Variants in PDE5A observed in about 807,000 individuals in gnomAD.
PDE5A encodes the protein phosphodiesterase 5A, also known as cGMP-specific 3',5'-cyclic phosphodiesterase.
A neutral mutation model predicts 110.2 loss-of-function variants in PDE5A; 67 were observed. That is an observed-to-expected ratio of 0.61 (90% confidence interval 0.50 to 0.75). The LOEUF is 0.75. Among genes scored for constraint, PDE5A ranks in the 30% least tolerant of loss-of-function variants. The pLI is 0.00. For missense variants in PDE5A, 862 were observed against 1,045.1 expected (o/e 0.82, Z 2.42); for synonymous variants, 328 against 351.2 (o/e 0.93, Z 0.74).
At chr4:119,552,761 C>CA (rs1727400866) in intron 8 of PDE5A, 124 bp from the exon 9 acceptor site, 1 of 466,340 alleles carries the variant, frequency 2.1e-6, no homozygotes, top group Admixed American at 4.2e-5. Context: ...TATTAGAGAG[C>CA]ATTGGAAAGC....
intron 3 of PDE5A, among the ~76,000 whole-genome samples, chr4:119,592,148 C>T (rs1287909665): frequency 2.1e-3 from 96 of 45,092 alleles, no homozygotes; most frequent in East Asian, 5.2e-3. Context: ...GAGACTCTGT[C>T]TCAAAAAAAA....
chr4:119,545,567 T>C (rs933178928), intron 9 of PDE5A, among the ~76,000 whole-genome samples: 4 of 152,182 alleles, frequency 2.6e-5, no homozygotes, highest in Non-Finnish European at 4.4e-5. Context: ...TTACCTAATA[T>C]TATTATAGAG....
At chr4:119,607,753 G>C (rs906247192) in intron 1 of PDE5A, among the ~76,000 whole-genome samples, 2 of 151,724 alleles carry the variant, frequency 1.3e-5, no homozygotes, top group Non-Finnish European at 2.9e-5. Context: ...AAAAAAAAAA[G>C]ACAATTTTAT....
intron 10 of PDE5A, among the ~76,000 whole-genome samples, chr4:119,540,353 A>G (rs1476208833): frequency 6.6e-6 from 1 of 152,190 alleles, no homozygotes; most frequent in Non-Finnish European, 1.5e-5. Context: ...AACTGTTACC[A>G]TACTGCACTA....
At position 119,583,166 on chromosome 4, in the gene PDE5A, A is replaced by G. The variant is rs182232616; in HGVS notation, c.831+13357T>C. Among the ~76,000 whole-genome samples the G allele has an allele frequency of 3.5e-3, 528 of 152,326 alleles. 6 individuals are homozygous for G. Among genetic ancestry groups the G allele is most frequent in the Non-Finnish European group, 1.1e-3 (78 of 68,024 alleles). On this transcript the variant is annotated intron_variant, in intron 3 of 20. Coordinates refer to ENST00000354960, the MANE Select transcript of PDE5A (RefSeq NM_001083.4). ...TCTGTTGTTTAGCATAGCCACCTTC[A>G]TCAATGATCTTCACTAGATCTGGAT...
At chr4:119,540,755 T>A (rs1402877864) in intron 10 of PDE5A, among the ~76,000 whole-genome samples, 1 of 152,174 alleles carries the variant, frequency 6.6e-6, no homozygotes, top group Non-Finnish European at 1.5e-5. Flanking sequence ...ATTAGAATGA[T>A]CACAACTTCC....
chr4:119,627,049 C>G lies in PDE5A; in HGVS notation c.152+1471G>C. ...ATACAGTCAATTTTCAATGATACAT[C>G]GTCCCACTGGTGCCACCGGGGCGCC... is the stretch of plus-strand genomic sequence containing the variant. On this transcript the variant is annotated intron_variant, in intron 1 of 20. Coordinates refer to ENST00000354960, the MANE Select transcript of PDE5A (RefSeq NM_001083.4). This position sits in a 1 kb window ranked among gnomAD's most constrained non-coding sequence, Gnocchi z 4.6. The G allele has an allele frequency of 2.3e-6, 3 of 1,311,124 alleles. No individual in the cohort carries two copies. The highest frequency in any genetic ancestry group is 2.2e-6 in the Non-Finnish European group (2 of 920,542). The allele number at this position is 1,311,124 out of a possible 1,614,324, so 81.2% of individuals were successfully genotyped here.
rs181002645 is a variant in PDE5A, at chr4:119,628,771, C to T, written c.-100G>A. 6 of 1,505,198 alleles carry T rather than the reference C, an allele frequency of 4.0e-6. No individual in the cohort carries two copies. The highest frequency in any genetic ancestry group is 5.4e-6 in the Non-Finnish European group (6 of 1,113,872). The allele number at this position is 1,505,198 out of a possible 1,614,324, so 93.2% of individuals were successfully genotyped here. A position where few individuals can be genotyped will look rare whatever the true frequency, so the allele number is the denominator to read the frequency against. The stretch of plus-strand genomic sequence containing the variant: ...CAGGACTCGGCCTCGAGACCCTCCC[C>T]CTTCGTCCTGCTCCAGTCGGGCCGG... On this transcript the variant is annotated 5_prime_UTR_variant, in exon 1 of 21. Coordinates refer to ENST00000354960, the MANE Select transcript of PDE5A (RefSeq NM_001083.4).
chr4:119,559,923 C>T (rs1298376472), intron 7 of PDE5A, among the ~76,000 whole-genome samples: 1 of 152,208 alleles, frequency 6.6e-6, no homozygotes, highest in East Asian at 1.9e-4. Flanking sequence ...GCAGTCAAGG[C>T]TTAAAGTCAG....
intron 7 of PDE5A, among the ~76,000 whole-genome samples, chr4:119,554,273 T>A (rs1173976605): frequency 4.6e-5 from 7 of 152,216 alleles, no homozygotes; most frequent in Non-Finnish European, 1.0e-4. Flanking sequence ...TTCCTTAGCA[T>A]CTTTCCCTTT....
intron 2 of PDE5A, among the ~76,000 whole-genome samples, chr4:119,599,881 A>G (rs868749830): frequency 5.9e-5 from 9 of 152,262 alleles, no homozygotes; most frequent in Middle Eastern, 3.4e-3. Flanking sequence ...GGTGAAACAT[A>G]TAAGTTGAAA....
intron 7 of PDE5A, among the ~76,000 whole-genome samples, chr4:119,558,399 T>A (rs540904475): frequency 8.5e-5 from 13 of 152,338 alleles, no homozygotes; most frequent in African/African-American, 2.6e-4. Flanking sequence ...CTGAAAAGAA[T>A]GATTTGCTTA....
At chr4:119,569,563 C>T (rs542908036) in intron 3 of PDE5A, 11 of 151,586 alleles carry the variant, frequency 7.3e-5, no homozygotes, top group African/African-American at 2.7e-4. Context: ...ATAGTTGGTC[C>T]TTTGTATCCA....
Position 119,562,305 on chromosome 4 carries a change from C to T in PDE5A, c.1131+528G>A, listed in dbSNP as rs115795776. ...ATGGACTGAAATCTACCAGTTAGAA[C>T]AGCTTAGTGGTTTTCCACTGTTGGT... On this transcript the variant is annotated intron_variant, in intron 6 of 20. Coordinates refer to ENST00000354960, the MANE Select transcript of PDE5A (RefSeq NM_001083.4). 3.0e-3 allele frequency among the ~76,000 whole-genome samples: 460 copies of T among 152,296 alleles called. 1 individual carries two copies. Among genetic ancestry groups the T allele is most frequent in the African/African-American group, 0.011 (440 of 41,574 alleles).
At chr4:119,563,429 C>T (rs1727815317) in intron 5 of PDE5A, among the ~76,000 whole-genome samples, 1 of 152,118 alleles carries the variant, frequency 6.6e-6, no homozygotes, top group South Asian at 2.1e-4. Context: ...TATTACCCGT[C>T]AAAGTAAACA....
chr4:119,578,295 T>C (rs1159366297), intron 3 of PDE5A, among the ~76,000 whole-genome samples: 1 of 152,096 alleles, frequency 6.6e-6, no homozygotes, highest in East Asian at 1.9e-4. Context: ...GCCATCCCCA[T>C]CAAGCTACCA....
chr4:119,527,461 G>A (rs1374669053), intron 11 of PDE5A, among the ~76,000 whole-genome samples: 1 of 152,072 alleles, frequency 6.6e-6, no homozygotes, highest in Non-Finnish European at 1.5e-5. Flanking sequence ...CTGCTTCTTT[G>A]ACCATCACAA....
chr4:119,533,099 T>C (rs1051016816), intron 11 of PDE5A, among the ~76,000 whole-genome samples: 1 of 152,146 alleles, frequency 6.6e-6, no homozygotes, highest in Admixed American at 6.6e-5. Flanking sequence ...TGTATAAAGG[T>C]ATTTTGTTAT....
chr4:119,563,837 T>G lies in PDE5A; in HGVS notation c.994-867A>C, dbSNP rs551064796. On this transcript the variant is annotated intron_variant, in intron 5 of 20. Transcript: ENST00000354960. ...GGACTGGATGAAAGGATGGCAAGAA[T>G]AGAACAGGGAGAACATTGCAGTTAA... Among the ~76,000 whole-genome samples, 199 of 152,136 alleles carry G rather than the reference T, an allele frequency of 1.3e-3. 1 individual carries two copies. Among genetic ancestry groups the G allele is most frequent in the African/African-American group, 4.6e-3 (192 of 41,512 alleles).
Sources: gnomAD v4.1 joint callset for allele counts (sites outside exome capture counted in the v4.1 genomes callset) on GRCh38, gnomAD v4.1.1 for gene constraint, Gnocchi (gnomAD v3.1) non-coding constraint, MANE v1.5 for transcripts, NCBI Gene and HGNC (gene_info 2026-07-23, HGNC 2026-07-21) for gene names.